ANKS1B: variants seen among roughly 807,000 people sequenced by gnomAD.
ANKS1B encodes the protein ankyrin repeat and sterile alpha motif domain containing 1B.
A neutral mutation model predicts 148.3 loss-of-function variants in ANKS1B; 36 were observed. The ratio of observed to expected loss-of-function variants is 0.24; its 90% CI spans 0.19 to 0.32. The LOEUF is 0.32. Among genes scored for constraint, ANKS1B ranks in the 10% least tolerant of loss-of-function variants. The pLI is 1.00. For missense variants in ANKS1B, 1,157 were observed against 1,542.6 expected, an observed-to-expected ratio of 0.75 and a Z score of 4.19; for synonymous variants, 542 against 560.8, an observed-to-expected ratio of 0.97 and a Z score of 0.47.
intron 16 of ANKS1B, among the ~76,000 whole-genome samples, chr12:99,078,123 A>G (rs539050073): frequency 6.6e-6 from 1 of 152,212 alleles, no homozygotes; most frequent in South Asian, 2.1e-4. Context: ...AATCCCTACA[A>G]TCTCTGCCCA....
At chr12:99,487,615 T>TG (rs35369607) in intron 10 of ANKS1B, among the ~76,000 whole-genome samples, 40,491 of 149,180 alleles carry the variant, frequency 0.27, 5,853 homozygotes, top group Non-Finnish European at 0.33. Context: ...ACATTCAATA[T>TG]GGGGGGGGGA....
intron 8 of ANKS1B, among the ~76,000 whole-genome samples, chr12:99,768,918 T>G (rs2062935214): frequency 6.8e-6 from 1 of 147,148 alleles, no homozygotes; most frequent in South Asian, 2.2e-4. Flanking sequence ...AAGACAGCCC[T>G]CTGCAAACCA....
At chr12:98,811,050 G>C (rs1182151583) in intron 19 of ANKS1B, among the ~76,000 whole-genome samples, 1 of 120,332 alleles carries the variant, frequency 8.3e-6, no homozygotes, top group African/African-American at 3.3e-5. Flanking sequence ...TCCCTTTCTT[G>C]TCTGGCTGTT....
intron 11 of ANKS1B, among the ~76,000 whole-genome samples, chr12:99,403,129 GC>G (rs966011817): frequency 7.2e-6 from 1 of 138,770 alleles, no homozygotes; most frequent in Admixed American, 7.1e-5. Context: ...CTTTTGAGCA[GC>G]AGTGTCTGTT....
chr12:99,962,368 G>A lies in ANKS1B; in HGVS notation c.134+21736C>T, dbSNP rs11110156. On this transcript the variant is annotated intron_variant, in intron 1 of 26. Transcript: ENST00000683438. ...CCAGCTTCATCCATGTCCTGCAAAG[G>A]ACATGATCTCATTCCTTTTTATTTT... is the stretch of plus-strand genomic sequence containing the variant. 3.3e-3 allele frequency among the ~76,000 whole-genome samples: 506 copies of A among 152,246 alleles called. 5 individuals carry two copies. Among genetic ancestry groups the A allele is most frequent in the African/African-American group, 0.012 (478 of 41,542 alleles).
In ANKS1B at chr12:99,674,011, C is replaced by G. The variant is rs770286198; in HGVS notation, c.1129-18801G>C. Among the ~76,000 whole-genome samples the G allele has an allele frequency of 2.0e-5, 3 of 151,340 alleles. 1 individual carries two copies. Among genetic ancestry groups the G allele is most frequent in the Non-Finnish European group, 4.4e-5 (3 of 67,620 alleles). On this transcript the variant is annotated intron_variant, in intron 8 of 26. Coordinates refer to ENST00000683438, the MANE Select transcript of ANKS1B (RefSeq NM_001352186.2). ...TATACAACAGGAAAAGAACATGAGT[C>G]AAAAAATTTAAAAATCAAAAATTAA...
At chr12:99,001,166 G>A (rs1194490369) in intron 17 of ANKS1B, among the ~76,000 whole-genome samples, 1 of 151,902 alleles carries the variant, frequency 6.6e-6, no homozygotes, top group African/African-American at 2.4e-5. Flanking sequence ...ACAGGGTCTC[G>A]CTCTGTTGCC....
rs1312877769 is a variant in ANKS1B at position 99,775,655 on chromosome 12, A to G, written c.854T>C (p.Leu285Ser). 1.1e-5 allele frequency: 18 copies of G among 1,588,260 alleles called. No homozygotes were observed. The highest frequency in any genetic ancestry group is 1.5e-5 in the Non-Finnish European group (17 of 1,159,508). Residue 285 changes from leucine to serine, a missense_variant, in exon 7 of 27, where the codon TTA becomes TCA. Around this residue, in one of 6 missense-constraint regions of ANKS1B, gnomAD observed 661 missense variants for 642.1 expected, o/e 1.03. Transcript: ENST00000683438. Reference sequence around the variant, plus strand: ...GACTGTAGATCTTCCCACGCCTTCTAAATACTCTGTGTGTATACATTTTTG... The same window carrying G: ...GACTGTAGATCTTCCCACGCCTTCTGAATACTCTGTGTGTATACATTTTTG... ...LQIATLLQEY[L>S]EGVGRSTVLE...
intron 1 of ANKS1B, among the ~76,000 whole-genome samples, chr12:99,936,810 G>GT (rs532977362): frequency 2.2e-4 from 33 of 152,266 alleles, no homozygotes; most frequent in African/African-American, 7.9e-4. Context: ...CTAGAAAAGT[G>GT]TAAGTATTCA....
At chr12:99,517,078 GC>G (rs2096828752) in intron 9 of ANKS1B, among the ~76,000 whole-genome samples, 1 of 152,078 alleles carries the variant, frequency 6.6e-6, no homozygotes, top group Non-Finnish European at 1.5e-5. Context: ...AGTAGGGATT[GC>G]ATTAAATCTG....
intron 9 of ANKS1B, among the ~76,000 whole-genome samples, chr12:99,616,591 C>G (rs531521130): frequency 6.6e-6 from 1 of 152,180 alleles, no homozygotes; most frequent in Non-Finnish European, 1.5e-5. Context: ...TAGCCATAGG[C>G]AGAAAACTGA....
chr12:99,692,757 T>C (rs1355115733), intron 8 of ANKS1B, among the ~76,000 whole-genome samples: 1 of 151,900 alleles, frequency 6.6e-6, no homozygotes, highest in Non-Finnish European at 1.5e-5. Flanking sequence ...TGGTGGGTTG[T>C]CGTTTATTAA....
At chr12:99,967,241 A>C (rs76442660) in intron 1 of ANKS1B, among the ~76,000 whole-genome samples, 35 of 152,306 alleles carry the variant, frequency 2.3e-4, no homozygotes, top group Non-Finnish European at 3.5e-4. Flanking sequence ...AGGCACTGTG[A>C]TAGATATTTT....
intron 2 of ANKS1B, among the ~76,000 whole-genome samples, chr12:99,813,881 C>T: frequency 6.6e-6 from 1 of 151,708 alleles, no homozygotes; most frequent in Non-Finnish European, 1.5e-5. Flanking sequence ...GGCTGTGATT[C>T]CGGAGAAATG....
At chr12:99,711,097 A>G (rs1285141299) in intron 8 of ANKS1B, among the ~76,000 whole-genome samples, 1 of 152,138 alleles carries the variant, frequency 6.6e-6, no homozygotes, top group Non-Finnish European at 1.5e-5. Context: ...ATTTGTATCT[A>G]TAATAAATCA....
intron 17 of ANKS1B, among the ~76,000 whole-genome samples, chr12:99,013,894 C>T (rs1284776036): frequency 6.6e-6 from 1 of 152,152 alleles, no homozygotes; most frequent in Non-Finnish European, 1.5e-5. Flanking sequence ...AAAAACAATC[C>T]ATGCTCATGG....
intron 9 of ANKS1B, among the ~76,000 whole-genome samples, chr12:99,578,076 C>A (rs191314136): frequency 6.6e-6 from 1 of 152,174 alleles, no homozygotes; most frequent in Admixed American, 6.5e-5. Flanking sequence ...ATGCACAAAT[C>A]AATAAATGTG....
chr12:98,786,825 G>A (rs1165684642), intron 22 of ANKS1B, among the ~76,000 whole-genome samples: 1 of 152,170 alleles, frequency 6.6e-6, no homozygotes, highest in African/African-American at 2.4e-5. Context: ...AATGTGGGGA[G>A]GACGCCACCA....
rs2075692405 is a variant in ANKS1B, at chr12:99,154,364, T to C, written c.2451A>G (p.Gln817=). The part of the protein sequence containing the change: ...RPRCPVQTVG[Q]WLESIGLPQY... ...GAGGTAGCCCAATGCTTTCCAACCA[T>C]TGTCCCACTGTTTGGACAGGGCATC... Residue 817 remains glutamine (Q), a synonymous_variant, in exon 15 of 27, where the codon CAA becomes CAG. Coordinates refer to ENST00000683438, the MANE Select transcript of ANKS1B (RefSeq NM_001352186.2). 6.2e-6 allele frequency: 10 copies of C among 1,613,600 alleles called. No homozygotes were observed. In the East Asian group the frequency reaches 2.2e-4, roughly 36 times the overall value.
Sources: allele counts gnomAD v4.1 joint callset (sites outside exome capture counted in the v4.1 genomes callset), GRCh38; gene constraint gnomAD v4.1.1; regional missense constraint gnomAD v4.1.1; transcripts MANE v1.5; gene names NCBI Gene and HGNC (gene_info 2026-07-23, HGNC 2026-07-21).